The following CSMD2 variants were observed in gnomAD, a reference collection of about 807,000 sequenced individuals.
CSMD2 encodes CUB and sushi domain-containing protein 2.
A neutral mutation model predicts 398.5 loss-of-function variants in CSMD2; 130 were observed. That is an observed-to-expected ratio of 0.33 (90% CI 0.28 to 0.38). CSMD2 has a LOEUF of 0.38. Among genes scored for constraint, CSMD2 ranks in the 10% least tolerant of loss-of-function variants. The probability of loss-of-function intolerance (pLI) is 1.00; values close to 1 mark genes in which losing one functional copy is unlikely to be tolerated. For missense variants in CSMD2, 3,829 were observed against 4,764.9 expected, an observed-to-expected ratio of 0.80 and a Z score of 5.78; for synonymous variants, 1,828 against 1,908.5, an observed-to-expected ratio of 0.96 and a Z score of 1.10.
chr1:34,095,804 G>GATTCACAGCCGA (rs1482054796), intron 1 of CSMD2, among the ~76,000 whole-genome samples: 3 of 151,072 alleles, frequency 2.0e-5, no homozygotes, highest in Non-Finnish European at 4.4e-5. Flanking sequence ...GGACCAGATG[G>GATTCACAGCCGA]ATTCACAGCC....
At chr1:33,967,717 G>A (rs1645612728) in intron 3 of CSMD2, among the ~76,000 whole-genome samples, 3 of 152,212 alleles carry the variant, frequency 2.0e-5, no homozygotes, top group Non-Finnish European at 4.4e-5. Flanking sequence ...GGTTTGGGGG[G>A]CCTCACTCGG....
intron 3 of CSMD2, among the ~76,000 whole-genome samples, chr1:34,032,366 T>A (rs1213322596): frequency 6.6e-6 from 1 of 152,190 alleles, no homozygotes; most frequent in Non-Finnish European, 1.5e-5. Context: ...TACCAGGCCC[T>A]CAGGATAAAC....
intron 3 of CSMD2, among the ~76,000 whole-genome samples, chr1:34,023,647 T>C (rs1449278978): frequency 6.6e-6 from 1 of 152,308 alleles, no homozygotes; most frequent in Non-Finnish European, 1.5e-5. Context: ...TTCACTCCCA[T>C]AAAACCCACC....
chr1:33,571,455 C>A (rs1160469569), intron 51 of CSMD2, 77 bp downstream of exon 51: 1 of 1,173,248 alleles, frequency 8.5e-7, no homozygotes. Flanking sequence ...TCCCCCACCC[C>A]AGTTCACTCC....
chr1:33,664,007 T>G (rs1644228862), intron 25 of CSMD2, among the ~76,000 whole-genome samples: 1 of 152,242 alleles, frequency 6.6e-6, no homozygotes, highest in Non-Finnish European at 1.5e-5. Flanking sequence ...AGACTTTATT[T>G]GAATTTCACC....
intron 15 of CSMD2, among the ~76,000 whole-genome samples, chr1:33,735,214 C>T (rs1569590635): frequency 1.3e-5 from 2 of 152,284 alleles, no homozygotes; most frequent in East Asian, 3.9e-4. Flanking sequence ...ATTCTGGCTC[C>T]ATCATTTACA....
intron 7 of CSMD2, among the ~76,000 whole-genome samples, chr1:33,822,828 G>A (rs1361548605): frequency 6.6e-6 from 1 of 152,172 alleles, no homozygotes; most frequent in Non-Finnish European, 1.5e-5. Context: ...TCCCCCTAGA[G>A]CTTCACAGTG....
chr1:34,069,071 C>G (rs1013732444), intron 2 of CSMD2, among the ~76,000 whole-genome samples: 3 of 152,190 alleles, frequency 2.0e-5, no homozygotes, highest in Admixed American at 1.3e-4. Context: ...AACAGTTTCT[C>G]CACCAATGCT....
rs1449249770 is a variant in CSMD2, at chr1:33,611,851, CA to C, written c.6134-602del. 5.3e-5 allele frequency among the ~76,000 whole-genome samples: 8 copies of C among 152,244 alleles called. No individual in the cohort carries two copies. In the East Asian group the frequency reaches 1.5e-3, roughly 29 times the overall value. On this transcript the variant is annotated intron_variant, in intron 40 of 70. Coordinates refer to ENST00000373381, the MANE Select transcript of CSMD2 (RefSeq NM_001281956.2). ...TAATGTACATAGTAATATACTCTTT[CA>C]AGAACGAAGGTGGGAACATTTATGT...
At chr1:34,053,516 C>T (rs751188177) in intron 2 of CSMD2, among the ~76,000 whole-genome samples, 1 of 152,130 alleles carries the variant, frequency 6.6e-6, no homozygotes, top group Non-Finnish European at 1.5e-5. Flanking sequence ...ATTATGATTG[C>T]GGTGCTCTAC....
intron 13 of CSMD2, among the ~76,000 whole-genome samples, chr1:33,746,305 C>A (rs911179146): frequency 6.6e-6 from 1 of 152,070 alleles, no homozygotes; most frequent in Non-Finnish European, 1.5e-5. Flanking sequence ...ACCTTGAAGG[C>A]AGAGGGGGCA....
At chr1:33,825,628 C>G in intron 7 of CSMD2, 69 bp downstream of exon 7, 1 of 1,356,784 alleles carries the variant, frequency 7.4e-7, no homozygotes, top group Non-Finnish European at 1.0e-6. Flanking sequence ...GGCTTCCCCA[C>G]GGTTTAGTGC....
rs765235682 is a variant in CSMD2, at chr1:33,864,522, C to G, written c.921-17526G>C. The G allele has an allele frequency of 5.6e-6, 9 of 1,614,020 alleles. No homozygotes were observed. The East Asian group carries it at 2.0e-4, about 36-fold the overall frequency. ...CTTCTGCCAAGACCACTATGCTCAG[C>G]TGAAGAGGGAGAACCCGAACTGGTC... On this transcript the variant is annotated intron_variant, in intron 5 of 70. Transcript: ENST00000373381.
At chr1:34,153,781 T>C (rs555871902) in intron 1 of CSMD2, among the ~76,000 whole-genome samples, 34 of 152,176 alleles carry the variant, frequency 2.2e-4, no homozygotes, top group African/African-American at 6.8e-4. Flanking sequence ...GAGCCCTCTA[T>C]ACAGAGAGCC....
intron 9 of CSMD2, among the ~76,000 whole-genome samples, chr1:33,817,491 T>C (rs1298284320): frequency 6.6e-6 from 1 of 151,964 alleles, no homozygotes; most frequent in Non-Finnish European, 1.5e-5. Context: ...GGTGTCAGAG[T>C]TGTGATCTAG....
chr1:34,094,863 C>T (rs1218760788), intron 1 of CSMD2, among the ~76,000 whole-genome samples: 3 of 148,804 alleles, frequency 2.0e-5, no homozygotes, highest in Non-Finnish European at 3.0e-5. Flanking sequence ...GACAGAAAGT[C>T]AACAAGGATA....
At chr1:33,570,804 C>T (rs887383763) in intron 51 of CSMD2, among the ~76,000 whole-genome samples, 1 of 152,168 alleles carries the variant, frequency 6.6e-6, no homozygotes, top group African/African-American at 2.4e-5. Flanking sequence ...GGCAGTATAA[C>T]AGTTCCCTTG....
chr1:33,820,436 C>T, intron 8 of CSMD2, 33 bp downstream of exon 8: 1 of 1,485,692 alleles, frequency 6.7e-7, no homozygotes, highest in South Asian at 1.1e-5. Context: ...CCCCACCCTT[C>T]TTGCAATCAG....
intron 2 of CSMD2, among the ~76,000 whole-genome samples, chr1:34,072,847 G>A (rs1219439337): frequency 6.6e-6 from 1 of 152,108 alleles, no homozygotes; most frequent in African/African-American, 2.4e-5. Flanking sequence ...CATTAGGGAT[G>A]GAGCACATGG....
Sources: allele counts gnomAD v4.1 joint callset (sites outside exome capture counted in the v4.1 genomes callset), GRCh38; gene constraint gnomAD v4.1.1; transcripts MANE v1.5; gene names NCBI Gene and HGNC (gene_info 2026-07-23, HGNC 2026-07-21).